The following PPIL3 variants were observed in gnomAD, a reference collection of about 807,000 sequenced individuals.
PPIL3 encodes peptidylprolyl isomerase like 3.
A neutral mutation model predicts 20.9 loss-of-function variants in PPIL3; 13 were observed. The ratio of observed to expected loss-of-function variants is 0.62; its 90% CI spans 0.40 to 0.99. PPIL3 has a LOEUF of 0.99. Ranked by LOEUF, PPIL3 falls within the 50% of genes least tolerant of loss-of-function variation. The pLI, the probability that PPIL3 is intolerant of heterozygous loss-of-function variation, is 0.00. For missense variants in PPIL3, 170 were observed against 195.2 expected, an observed-to-expected ratio of 0.87 and a Z score of 0.77; for synonymous variants, 71 against 64.4, an observed-to-expected ratio of 1.10 and a Z score of -0.49.
At position 200,888,656 on chromosome 2, in the gene PPIL3, G is replaced by A. The variant is rs1239842651; in HGVS notation, c.-71+300C>T. 3.4e-5 allele frequency: 8 copies of A among 237,484 alleles called. No individual in the cohort carries two copies. In the East Asian group the frequency reaches 1.0e-3, roughly 30 times the overall value. 14.7% of individuals were successfully genotyped at this position (237,484 alleles called of 1,614,324 possible). On this transcript the variant is annotated intron_variant, in intron 1 of 6. Transcript: ENST00000392283. The stretch of plus-strand genomic sequence containing the variant: ...TTGTCGTGTCTCAGCCTCCCGAGTA[G>A]GTGGGACTACAGGCGCGCGCTACCA...
intron 1 of PPIL3, among the ~76,000 whole-genome samples, chr2:200,888,039 A>C (rs1287644444): frequency 7.0e-6 from 1 of 142,492 alleles, no homozygotes; most frequent in East Asian, 2.0e-4. Flanking sequence ...CCTGGGTGAC[A>C]GCGCGAGACT....
chr2:200,881,482 C>A lies in PPIL3; in HGVS notation c.179G>T (p.Gly60Val), dbSNP rs148778524. 6.2e-7 allele frequency: 1 copy of A among 1,612,282 alleles called. No homozygotes were observed. The highest frequency in any genetic ancestry group is 1.1e-5 in the South Asian group (1 of 90,886). The change falls in exon 5 of 7, where the codon GGA becomes GTA. Residue 60 changes from glycine to valine, a missense_variant. By Grantham distance (109) the Gly-to-Val change is moderately radical (BLOSUM62 -3). Transcript: ENST00000392283. ...GCCCCAAATACTGTTGCCTCCTCTT[C>A]CAGTTCCTACATTACAAGTGAAGCA... ...MVQTGDPTGTGRGGNSIWGKK... is the reference protein window; with the variant it reads ...MVQTGDPTGTVRGGNSIWGKK...
chr2:200,885,954 T>C lies in PPIL3; in HGVS notation c.4-182A>G, dbSNP rs377096795. Among the ~76,000 whole-genome samples the C allele has an allele frequency of 2.6e-5, 4 of 152,310 alleles. No homozygotes were observed. In the East Asian group the frequency reaches 5.8e-4, roughly 22 times the overall value. On this transcript the variant is annotated intron_variant, in intron 2 of 6. Coordinates refer to ENST00000392283, the MANE Select transcript of PPIL3 (RefSeq NM_130906.3). ...GTTAAGTTGTACTTTTTTCTCAAAA[T>C]TGATCCCAACAGTAGAGAAAAAACT...
chr2:200,882,780 C>T (rs1316120076), intron 3 of PPIL3, among the ~76,000 whole-genome samples: 1 of 151,848 alleles, frequency 6.6e-6, no homozygotes, highest in East Asian at 1.9e-4. Flanking sequence ...GTGGCAGGCG[C>T]CTCCAACTAC....
At chr2:200,885,214 T>G (rs927119865) in intron 3 of PPIL3, 8 of 211,794 alleles carry the variant, frequency 3.8e-5, no homozygotes, top group Non-Finnish European at 7.2e-5. Context: ...CTACTAAAAA[T>G]ACAAAAATTA....
chr2:200,888,427 C>CT lies in PPIL3; in HGVS notation c.-71+528dup, dbSNP rs35240360. ...TATCACTAATATACTATGAAATTCGCTTTTTTTTTTTTTCACCACAGCACT... is the reference window on the plus strand; with the variant it reads ...TATCACTAATATACTATGAAATTCGCTTTTTTTTTTTTTTCACCACAGCACT... On this transcript the variant is annotated intron_variant, in intron 1 of 6. Coordinates refer to ENST00000392283, the MANE Select transcript of PPIL3 (RefSeq NM_130906.3). 672 of 143,270 alleles carry CT rather than the reference C, an allele frequency of 4.7e-3. 5 individuals are homozygous for CT. The highest frequency in any genetic ancestry group is 0.012 in the African/African-American group (469 of 39,104). The allele number at this position is 143,270 out of a possible 1,614,324, so 8.9% of individuals were successfully genotyped here. A position where few individuals can be genotyped will look rare whatever the true frequency, so the allele number is the denominator to read the frequency against.
upstream of PPIL3, chr2:200,889,123 C>G: frequency 8.7e-6 from 4 of 458,768 alleles, no homozygotes; most frequent in South Asian, 6.3e-5. Context: ...CCTCCTTCCT[C>G]CCCTCATCTT....
Position 200,871,501 on chromosome 2 carries a change from G to A in PPIL3, c.380C>T (p.Thr127Ile). Residue 127 changes from threonine to isoleucine, a missense_variant, in exon 7 of 7, where the codon ACT (threonine) becomes ATT (isoleucine). Transcript: ENST00000392283. ...VFGKVIDGLE[T>I]LDELEKLPVN... Reference sequence around the variant, plus strand: ...TGGCAACTTCTCCAACTCATCTAGAGTTTCCAGACCATCTATTACCCTGAA... The same window carrying A: ...TGGCAACTTCTCCAACTCATCTAGAATTTCCAGACCATCTATTACCCTGAA... 6.2e-7 allele frequency: 1 copy of A among 1,612,764 alleles called. No homozygotes were observed. Among genetic ancestry groups the A allele is most frequent in the Non-Finnish European group, 8.5e-7 (1 of 1,179,112 alleles).
At chr2:200,875,741 T>C (rs1032284958) in intron 6 of PPIL3, among the ~76,000 whole-genome samples, 1 of 151,940 alleles carries the variant, frequency 6.6e-6, no homozygotes, top group Non-Finnish European at 1.5e-5. Context: ...CTTGGCTAAT[T>C]TTTAAATTTT....
intron 6 of PPIL3, among the ~76,000 whole-genome samples, chr2:200,874,041 T>G (rs1238481998): frequency 2.0e-5 from 3 of 151,142 alleles, no homozygotes; most frequent in Non-Finnish European, 3.0e-5. Context: ...CCGTCTCTAC[T>G]AAAAATACAA....
At chr2:200,884,976 G>C (rs766566611) in intron 3 of PPIL3, 1 of 148,880 alleles carries the variant, frequency 6.7e-6, no homozygotes. Context: ...TGAGGCAGGA[G>C]AATCGTTTGA....
intron 1 of PPIL3, 86 bp downstream of exon 1, chr2:200,888,870 T>C: frequency 2.2e-6 from 1 of 464,146 alleles, no homozygotes; most frequent in Admixed American, 2.4e-5. Flanking sequence ...TCACTCGCAG[T>C]ATCCCAAGAA....
At chr2:200,877,064 C>T in intron 5 of PPIL3, 27 bp from the exon 6 acceptor site, 3 of 1,428,922 alleles carry the variant, frequency 2.1e-6, no homozygotes, top group Non-Finnish European at 3.0e-6. Context: ...AAAGTATTAA[C>T]TGTGTTTTTA....
chr2:200,874,799 T>A (rs2039453245), intron 6 of PPIL3, among the ~76,000 whole-genome samples: 1 of 152,164 alleles, frequency 6.6e-6, no homozygotes, highest in Non-Finnish European at 1.5e-5. Context: ...TCTGTCTAGA[T>A]CTCACTGCAG....
intron 6 of PPIL3, among the ~76,000 whole-genome samples, chr2:200,873,948 G>A (rs539042395): frequency 2.0e-5 from 3 of 151,488 alleles, no homozygotes; most frequent in African/African-American, 7.3e-5. Flanking sequence ...GCTCACGCCT[G>A]TAATCTCAGC....
intron 4 of PPIL3, chr2:200,881,690 C>A: frequency 3.8e-6 from 2 of 529,226 alleles, no homozygotes; most frequent in Non-Finnish European, 6.6e-6. Flanking sequence ...GAATAACCCT[C>A]CTTATAAATA....
At chr2:200,887,728 T>C in intron 1 of PPIL3, 43 bp from the exon 2 acceptor site, 2 of 860,834 alleles carry the variant, frequency 2.3e-6, no homozygotes, top group Non-Finnish European at 3.6e-6. Context: ...TTTTCCTGTC[T>C]TAACTCACAC....
intron 5 of PPIL3, chr2:200,877,539 A>G (rs2039567252): frequency 6.6e-6 from 1 of 152,332 alleles, no homozygotes. Flanking sequence ...ATGATCAGGC[A>G]GGCAACAAAA....
At chr2:200,879,667 T>A (rs2039648938) in intron 5 of PPIL3, among the ~76,000 whole-genome samples, 1 of 152,114 alleles carries the variant, frequency 6.6e-6, no homozygotes, top group African/African-American at 2.4e-5. Context: ...AGACCTCGTC[T>A]CTACAAAAAA....
Sources: allele counts gnomAD v4.1 joint callset (sites outside exome capture counted in the v4.1 genomes callset), GRCh38; gene constraint gnomAD v4.1.1; transcripts MANE v1.5; gene names NCBI Gene and HGNC (gene_info 2026-07-23, HGNC 2026-07-21).